The following FRMD5 variants were observed in gnomAD, a reference collection of about 807,000 sequenced individuals.
FRMD5 encodes the protein FERM domain containing 5, also known as FERM domain-containing protein 5.
Under a neutral mutation model 69.0 loss-of-function variants are expected in FRMD5, and 20 were observed. That is an observed-to-expected ratio of 0.29 (90% confidence interval 0.20 to 0.42). The LOEUF (loss-of-function observed/expected upper bound fraction) is 0.42, where lower values mean the gene tolerates loss of function less well. Among genes scored for constraint, FRMD5 ranks in the 10% least tolerant of loss-of-function variants. The pLI is 1.00. For synonymous variants in FRMD5, 271 were observed against 260.1 expected (o/e 1.04, Z -0.40); for missense variants, 595 against 708.6 (o/e 0.84, Z 1.82).
At chr15:44,029,419 A>G (rs2140279683) in intron 1 of FRMD5, among the ~76,000 whole-genome samples, 1 of 152,332 alleles carries the variant, frequency 6.6e-6, no homozygotes, top group South Asian at 2.1e-4. Context: ...GTGATGTCTG[A>G]ACCAATAAAC....
chr15:43,999,927 A>G (rs868239277), intron 1 of FRMD5, among the ~76,000 whole-genome samples: 479 of 45,166 alleles, frequency 0.011, 18 homozygotes, highest in African/African-American at 0.035. Flanking sequence ...GTGTATGTAT[A>G]TATATATATA....
chr15:44,185,584 G>A (rs1488057163), intron 1 of FRMD5, among the ~76,000 whole-genome samples: 1 of 152,018 alleles, frequency 6.6e-6, no homozygotes, highest in Non-Finnish European at 1.5e-5. Flanking sequence ...TTAAGGTCAG[G>A]AGTTTAGAAA....
intron 1 of FRMD5, among the ~76,000 whole-genome samples, chr15:44,010,189 G>A (rs1890649165): frequency 6.6e-6 from 1 of 152,162 alleles, no homozygotes; most frequent in Admixed American, 6.5e-5. Flanking sequence ...TTCTGCCATG[G>A]ATGGCTTGGC....
At chr15:44,133,278 C>T (rs1219752858) in intron 1 of FRMD5, among the ~76,000 whole-genome samples, 1 of 150,816 alleles carries the variant, frequency 6.6e-6, no homozygotes, top group Admixed American at 6.6e-5. Context: ...TATTTTAGTA[C>T]TATAAAAAAC....
chr15:43,999,947 GC>G (rs1890115643), intron 1 of FRMD5, among the ~76,000 whole-genome samples: 6 of 97,862 alleles, frequency 6.1e-5, no homozygotes, highest in African/African-American at 2.8e-4. Flanking sequence ...ATATATATAT[GC>G]CATGCATATA....
intron 1 of FRMD5, among the ~76,000 whole-genome samples, chr15:44,036,300 C>G (rs1175882393): frequency 6.6e-6 from 1 of 151,922 alleles, no homozygotes; most frequent in African/African-American, 2.4e-5. Context: ...TAAGTTCCTT[C>G]AATTAGTCCC....
intron 1 of FRMD5, among the ~76,000 whole-genome samples, chr15:44,058,588 C>T (rs1892963878): frequency 6.6e-6 from 1 of 152,018 alleles, no homozygotes; most frequent in Non-Finnish European, 1.5e-5. Context: ...AGATCGAGAC[C>T]ATCCTGGCTA....
chr15:44,170,195 A>T (rs1210075824), intron 1 of FRMD5, among the ~76,000 whole-genome samples: 1 of 152,088 alleles, frequency 6.6e-6, no homozygotes, highest in Non-Finnish European at 1.5e-5. Flanking sequence ...GGACTACAGG[A>T]GAACACCATC....
At chr15:43,906,388 T>C (rs1011594716) in intron 5 of FRMD5, among the ~76,000 whole-genome samples, 3 of 152,150 alleles carry the variant, frequency 2.0e-5, no homozygotes, top group Non-Finnish European at 2.9e-5. Flanking sequence ...AAATCCTAGT[T>C]TGAGGATGTT....
chr15:43,922,493 T>C (rs1254261621), intron 2 of FRMD5, among the ~76,000 whole-genome samples: 2 of 152,170 alleles, frequency 1.3e-5, no homozygotes, highest in African/African-American at 4.8e-5. Flanking sequence ...TCCCATGTTC[T>C]TATCTCTCTC....
In FRMD5 at chr15:43,874,832, G is replaced by A. The variant is rs138701134; in HGVS notation, c.1136-370C>T. Among the ~76,000 whole-genome samples, 1,301 of 152,102 alleles carry A rather than the reference G, an allele frequency of 8.6e-3. 18 individuals carry two copies. The highest frequency in any genetic ancestry group is 0.03 in the African/African-American group (1,229 of 41,470). ...GGAGAATCGCTTGAACCCGGGAGGC[G>A]GAGGTTGCAGTGAGCTGAGATCGCA... On this transcript the variant is annotated intron_variant, in intron 13 of 13. Coordinates refer to ENST00000417257, the MANE Select transcript of FRMD5 (RefSeq NM_032892.5).
At chr15:43,957,483 C>G (rs540425043) in intron 1 of FRMD5, among the ~76,000 whole-genome samples, 1 of 152,328 alleles carries the variant, frequency 6.6e-6, no homozygotes, top group Non-Finnish European at 1.5e-5. Context: ...TGGGTGTGAG[C>G]CATTAAGCCC....
intron 1 of FRMD5, among the ~76,000 whole-genome samples, chr15:44,128,451 T>G (rs928823978): frequency 6.6e-6 from 1 of 152,204 alleles, no homozygotes; most frequent in Non-Finnish European, 1.5e-5. Context: ...CACTCCAGCC[T>G]GGGTGACAAG....
At chr15:44,038,878 C>G (rs1214739778) in intron 1 of FRMD5, among the ~76,000 whole-genome samples, 1 of 152,134 alleles carries the variant, frequency 6.6e-6, no homozygotes, top group East Asian at 1.9e-4. Context: ...GAAATTCCCT[C>G]CAGTGCCTGG....
At chr15:44,134,959 A>G (rs542731512) in intron 1 of FRMD5, among the ~76,000 whole-genome samples, 2 of 152,210 alleles carry the variant, frequency 1.3e-5, no homozygotes, top group Non-Finnish European at 2.9e-5. Flanking sequence ...GGAAAGAGCA[A>G]CAAGAAATAG....
intron 1 of FRMD5, among the ~76,000 whole-genome samples, chr15:43,985,670 T>C (rs1595589182): frequency 1.3e-5 from 2 of 152,208 alleles, no homozygotes; most frequent in Non-Finnish European, 1.5e-5. Context: ...TATTCAGGAA[T>C]TGACATTCTG....
At chr15:44,185,318 G>A (rs2078080350) in intron 1 of FRMD5, among the ~76,000 whole-genome samples, 1 of 152,180 alleles carries the variant, frequency 6.6e-6, no homozygotes, top group African/African-American at 2.4e-5. Context: ...TCTTTTGATA[G>A]TATAACTTCC....
intron 1 of FRMD5, among the ~76,000 whole-genome samples, chr15:44,135,988 C>A (rs998218871): frequency 3.9e-5 from 6 of 152,008 alleles, no homozygotes; most frequent in African/African-American, 1.4e-4. Context: ...GTAAGTAATG[C>A]CAGGAAAATT....
chr15:43,875,571 G>A (rs140061365), intron 13 of FRMD5, among the ~76,000 whole-genome samples: 3 of 151,084 alleles, frequency 2.0e-5, no homozygotes, highest in Non-Finnish European at 4.4e-5. Flanking sequence ...TCTGCCTCCC[G>A]GGTTCCAGCG....
Sources: allele counts gnomAD v4.1 joint callset (sites outside exome capture counted in the v4.1 genomes callset), GRCh38; gene constraint gnomAD v4.1.1; transcripts MANE v1.5; gene names NCBI Gene and HGNC (gene_info 2026-07-23, HGNC 2026-07-21).